The following EIF4G3 variants were observed in gnomAD, a reference collection of about 807,000 sequenced individuals.
EIF4G3 encodes the protein eukaryotic translation initiation factor 4 gamma 3, also known as eIF-4-gamma 3.
A neutral mutation model predicts 186.4 loss-of-function variants in EIF4G3; 34 were observed. That is an observed-to-expected ratio of 0.18 (90% CI 0.14 to 0.24). EIF4G3 has a LOEUF of 0.24. Among genes scored for constraint, EIF4G3 ranks in the 10% least tolerant of loss-of-function variants. The probability of loss-of-function intolerance (pLI) is 1.00; values close to 1 mark genes in which losing one functional copy is unlikely to be tolerated. For synonymous variants in EIF4G3, 673 were observed against 679.5 expected, an observed-to-expected ratio of 0.99 and a Z score of 0.15; for missense variants, 1,536 against 1,948.5, an observed-to-expected ratio of 0.79 and a Z score of 3.99.
chr1:20,838,739 G>T (rs1187022570), intron 30 of EIF4G3, among the ~76,000 whole-genome samples: 3 of 152,080 alleles, frequency 2.0e-5, no homozygotes, highest in Non-Finnish European at 2.9e-5. Context: ...GGAGTGCAGT[G>T]GTGTGATCAT....
intron 2 of EIF4G3, among the ~76,000 whole-genome samples, chr1:21,156,127 C>A (rs1471448714): frequency 1.3e-3 from 165 of 125,040 alleles, no homozygotes; most frequent in South Asian, 1.9e-3. Context: ...AACTCTGTCT[C>A]AAAAAAAAAA....
chr1:20,959,692 A>ATC (rs1558442700), intron 12 of EIF4G3, among the ~76,000 whole-genome samples: 3 of 134,018 alleles, frequency 2.2e-5, no homozygotes, highest in Non-Finnish European at 4.9e-5. Flanking sequence ...TAATAATAAT[A>ATC]ATAATCCCAT....
chr1:20,973,161 C>T (rs997655636), intron 10 of EIF4G3, 62 bp from the exon 11 acceptor site: 1 of 1,200,366 alleles, frequency 8.3e-7, no homozygotes, highest in African/African-American at 1.5e-5. Context: ...ACAGAACTAG[C>T]AATGACACTG....
intron 14 of EIF4G3, among the ~76,000 whole-genome samples, chr1:20,907,767 C>T (rs1315013971): frequency 3.3e-5 from 5 of 152,060 alleles, no homozygotes; most frequent in African/African-American, 1.2e-4. Flanking sequence ...TGTATATGTG[C>T]CACATTTTCT....
At chr1:20,919,271 C>A (rs2094256647) in intron 14 of EIF4G3, among the ~76,000 whole-genome samples, 1 of 152,182 alleles carries the variant, frequency 6.6e-6, no homozygotes, top group Non-Finnish European at 1.5e-5. Context: ...AACAGTGGCT[C>A]AATCACGGCA....
In EIF4G3 at chr1:20,853,617, G is replaced by T. The variant is rs947024198; in HGVS notation, c.3494C>A (p.Pro1165His). The change falls in exon 27 of 37, where the codon CCC (proline) becomes CAC (histidine). Residue 1165 changes from proline (P) to histidine (H), a missense_variant. This residue lies in a region of EIF4G3 where 395 missense variants were observed against 498.9 expected (regional missense o/e 0.79). Coordinates refer to ENST00000602326, the MANE Select transcript of EIF4G3 (RefSeq NM_001391906.1). ...NRFSALQPPA[P>H]SGSTPSTPVE... is the part of the protein sequence containing the mutation. ...AGGCGTGGATGGCGTGGACCCTGAGGGTGCTGGAGGTTGCAGGGCAGAGAA... is the reference window on the plus strand; with the variant it reads ...AGGCGTGGATGGCGTGGACCCTGAGTGTGCTGGAGGTTGCAGGGCAGAGAA... 1.7e-5 allele frequency: 28 copies of T among 1,613,924 alleles called. No homozygotes were observed. The highest frequency in any genetic ancestry group is 2.0e-5 in the Non-Finnish European group (24 of 1,179,968).
intron 14 of EIF4G3, among the ~76,000 whole-genome samples, chr1:20,939,684 T>C (rs2095640980): frequency 6.6e-6 from 1 of 152,164 alleles, no homozygotes; most frequent in African/African-American, 2.4e-5. Context: ...TGCTTTTACA[T>C]TTTAAAAACA....
intron 25 of EIF4G3, among the ~76,000 whole-genome samples, chr1:20,855,619 C>T (rs965085825): frequency 6.6e-6 from 1 of 152,152 alleles, no homozygotes; most frequent in African/African-American, 2.4e-5. Context: ...CCAAGCACAA[C>T]TTTACTACAA....
intron 4 of EIF4G3, among the ~76,000 whole-genome samples, chr1:21,015,220 C>G (rs745804311): frequency 3.3e-5 from 5 of 151,852 alleles, no homozygotes; most frequent in Non-Finnish European, 5.9e-5. Context: ...TTGAAATAAT[C>G]CAGTCTGAGA....
intron 20 of EIF4G3, among the ~76,000 whole-genome samples, chr1:20,866,157 G>A (rs2077514929): frequency 6.6e-6 from 1 of 152,078 alleles, no homozygotes; most frequent in Non-Finnish European, 1.5e-5. Flanking sequence ...TTTGCCCTAG[G>A]TATAACAGAA....
intron 33 of EIF4G3, among the ~76,000 whole-genome samples, chr1:20,822,588 CTT>C (rs71014119): frequency 3.3e-4 from 43 of 129,648 alleles, no homozygotes; most frequent in Admixed American, 7.7e-4. Flanking sequence ...GTTCTAATTT[CTT>C]TTTTTTTTTT....
At chr1:21,153,775 G>A (rs1173703134) in intron 2 of EIF4G3, among the ~76,000 whole-genome samples, 2 of 152,018 alleles carry the variant, frequency 1.3e-5, no homozygotes, top group Non-Finnish European at 2.9e-5. Flanking sequence ...ATGTTGGCCA[G>A]GCTGGTCTCG....
intron 2 of EIF4G3, among the ~76,000 whole-genome samples, chr1:21,141,528 T>C (rs1375978510): frequency 6.7e-6 from 1 of 148,830 alleles, no homozygotes; most frequent in Non-Finnish European, 1.5e-5. Flanking sequence ...ATTACAACAC[T>C]ACAGTATGTT....
intron 13 of EIF4G3, 50 bp downstream of exon 13, chr1:20,949,953 A>C (rs778288800): frequency 6.9e-7 from 1 of 1,454,418 alleles, no homozygotes; most frequent in African/African-American, 1.4e-5. Flanking sequence ...CAATGTAATT[A>C]ATAAAAAAGA....
At chr1:21,079,725 G>GC (rs1263241910) in intron 3 of EIF4G3, among the ~76,000 whole-genome samples, 1 of 151,618 alleles carries the variant, frequency 6.6e-6, no homozygotes. Context: ...TTATGGCATA[G>GC]CTGGGCATGG....
intron 3 of EIF4G3, among the ~76,000 whole-genome samples, chr1:21,061,337 A>G (rs147509601): frequency 6.6e-6 from 1 of 152,180 alleles, no homozygotes; most frequent in African/African-American, 2.4e-5. Context: ...GAAGCATTGT[A>G]TATTTTTGGA....
rs1014665843 is a variant in EIF4G3 at position 20,921,475 on chromosome 1, A to G, written c.1664-16504T>C. ...CTGACCTCAGTCCTTGACCATTCCG[A>G]AAGAACAGCTGTTGGATTCCAAACC... On this transcript the variant is annotated intron_variant, in intron 14 of 36. Coordinates refer to ENST00000602326, the MANE Select transcript of EIF4G3 (RefSeq NM_001391906.1). Among the ~76,000 whole-genome samples the G allele has an allele frequency of 2.0e-5, 3 of 152,158 alleles. No homozygotes were observed. The South Asian group carries it at 6.2e-4, about 31-fold the overall frequency.
At chr1:20,986,718 C>T (rs1417560257) in intron 7 of EIF4G3, among the ~76,000 whole-genome samples, 1 of 125,644 alleles carries the variant, frequency 8.0e-6, no homozygotes, top group Non-Finnish European at 1.6e-5. Context: ...CACTGCACTC[C>T]AGCCTGGGCG....
chr1:20,807,371 G>A lies in EIF4G3; in HGVS notation c.4874C>T (p.Thr1625Met), dbSNP rs762356088. 14 of 1,609,886 alleles carry A rather than the reference G, an allele frequency of 8.7e-6. No individual in the cohort carries two copies. The highest frequency in any genetic ancestry group is 4.5e-5 in the East Asian group (2 of 44,778). Residue 1625 changes from threonine to methionine, a missense_variant, in exon 37 of 37, where the codon ACG becomes ATG. Physicochemically the swap from Thr to Met is moderately conservative, Grantham distance 81. Coordinates refer to ENST00000602326, the MANE Select transcript of EIF4G3 (RefSeq NM_001391906.1). Reference sequence around the variant, plus strand: ...TTCCCGCAGCCACGTGAAGAATGCCGTGACAGATTTCAGAGCCACGCCCTT... The same window carrying A: ...TTCCCGCAGCCACGTGAAGAATGCCATGACAGATTTCAGAGCCACGCCCTT... ...NGKGVALKSV[T>M]AFFTWLREAE...
Sources: gnomAD v4.1 joint callset for allele counts (sites outside exome capture counted in the v4.1 genomes callset) on GRCh38, gnomAD v4.1.1 for gene constraint, gnomAD v4.1.1 regional missense constraint, MANE v1.5 for transcripts, NCBI Gene and HGNC (gene_info 2026-07-23, HGNC 2026-07-21) for gene names.